ANKS1B: variants seen among roughly 807,000 people sequenced by gnomAD.
ANKS1B encodes ankyrin repeat and sterile alpha motif domain containing 1B.
Under a neutral mutation model 148.3 loss-of-function variants are expected in ANKS1B, and 36 were observed. The observed-to-expected ratio is 0.24, with a 90% confidence interval of 0.19 to 0.32. The LOEUF (loss-of-function observed/expected upper bound fraction) is 0.32. Ranked by LOEUF, ANKS1B falls within the 10% of genes least tolerant of loss-of-function variation. The probability of loss-of-function intolerance (pLI) is 1.00; values close to 1 mark genes in which losing one functional copy is unlikely to be tolerated. For synonymous variants in ANKS1B, 542 were observed against 560.8 expected (o/e 0.97, Z 0.47); for missense variants, 1,157 against 1,542.6 (o/e 0.75, Z 4.19).
At chr12:99,719,316 C>G (rs1020010673) in intron 8 of ANKS1B, among the ~76,000 whole-genome samples, 12 of 152,118 alleles carry the variant, frequency 7.9e-5, no homozygotes, top group Admixed American at 2.6e-4. Flanking sequence ...TGTTGAGTCT[C>G]CCACAATTAC....
At chr12:98,846,569 T>C (rs1222782186) in intron 17 of ANKS1B, among the ~76,000 whole-genome samples, 1 of 152,218 alleles carries the variant, frequency 6.6e-6, no homozygotes, top group Non-Finnish European at 1.5e-5. Context: ...TTTGTAAAGA[T>C]ATGGAGACAA....
At chr12:99,366,805 T>C (rs1042031147) in intron 12 of ANKS1B, among the ~76,000 whole-genome samples, 4 of 151,670 alleles carry the variant, frequency 2.6e-5, no homozygotes, top group East Asian at 1.9e-4. Context: ...TGACTCAAAA[T>C]ACGGAAGCAA....
intron 8 of ANKS1B, among the ~76,000 whole-genome samples, chr12:99,686,422 C>T (rs1015303328): frequency 3.9e-5 from 6 of 152,162 alleles, no homozygotes; most frequent in African/African-American, 1.4e-4. Context: ...CTCGACTTTG[C>T]TTCCATGTTG....
chr12:99,372,031 A>G (rs1593310717), intron 12 of ANKS1B, among the ~76,000 whole-genome samples: 4 of 152,310 alleles, frequency 2.6e-5, no homozygotes, highest in Admixed American at 2.6e-4. Flanking sequence ...GAAATATTCT[A>G]TATGATACCA....
intron 10 of ANKS1B, among the ~76,000 whole-genome samples, chr12:99,467,188 C>A (rs546606176): frequency 6.2e-4 from 95 of 152,218 alleles, no homozygotes; most frequent in African/African-American, 2.2e-3. Flanking sequence ...AAGACAAAAA[C>A]CAGGTGATTA....
At chr12:98,992,214 G>A (rs548420629) in intron 17 of ANKS1B, among the ~76,000 whole-genome samples, 7 of 152,196 alleles carry the variant, frequency 4.6e-5, no homozygotes, top group African/African-American at 1.2e-4. Flanking sequence ...TCTGTCCCAC[G>A]GCTTTTACAA....
intron 15 of ANKS1B, among the ~76,000 whole-genome samples, chr12:99,116,250 C>T (rs1200481085): frequency 6.6e-6 from 1 of 152,168 alleles, no homozygotes; most frequent in African/African-American, 2.4e-5. Flanking sequence ...CAATTCCTTC[C>T]TCATTGGTGC....
intron 2 of ANKS1B, among the ~76,000 whole-genome samples, chr12:99,816,431 C>CT (rs2069160489): frequency 6.6e-6 from 1 of 151,618 alleles, no homozygotes; most frequent in South Asian, 2.1e-4. Flanking sequence ...TGTGGGTTGT[C>CT]TGTTTACTCT....
At chr12:99,442,947 G>A (rs1158558149) in intron 11 of ANKS1B, among the ~76,000 whole-genome samples, 1 of 151,834 alleles carries the variant, frequency 6.6e-6, no homozygotes, top group African/African-American at 2.4e-5. Context: ...CACCAATTTC[G>A]TGTTCTGGGT....
chr12:99,425,853 TAG>T (rs2095242542), intron 11 of ANKS1B, among the ~76,000 whole-genome samples: 1 of 152,126 alleles, frequency 6.6e-6, no homozygotes, highest in Non-Finnish European at 1.5e-5. Context: ...TCTATAGCAT[TAG>T]TTACTTGTTT....
intron 22 of ANKS1B, among the ~76,000 whole-genome samples, chr12:98,792,597 C>T (rs914885432): frequency 9.9e-5 from 15 of 152,150 alleles, no homozygotes; most frequent in Non-Finnish European, 2.1e-4. Context: ...TCTCCCTATT[C>T]CCCTCCTCCT....
chr12:99,399,418 T>G (rs2094342836), intron 12 of ANKS1B, among the ~76,000 whole-genome samples: 2 of 152,112 alleles, frequency 1.3e-5, no homozygotes, highest in South Asian at 4.1e-4. Flanking sequence ...CATTAAATCA[T>G]CATCTTTAAT....
chr12:99,543,705 A>G (rs1389776888), intron 9 of ANKS1B, among the ~76,000 whole-genome samples: 1 of 151,072 alleles, frequency 6.6e-6, no homozygotes, highest in Non-Finnish European at 1.5e-5. Flanking sequence ...ATTCTACAAC[A>G]TAAATAAACT....
At chr12:99,723,390 G>C (rs1162914668) in intron 8 of ANKS1B, among the ~76,000 whole-genome samples, 1 of 152,164 alleles carries the variant, frequency 6.6e-6, no homozygotes, top group East Asian at 1.9e-4. Flanking sequence ...TGTGGCCAGA[G>C]TGCCTCTTCA....
At chr12:98,780,854 C>T (rs2153514397) in intron 24 of ANKS1B, among the ~76,000 whole-genome samples, 1 of 152,274 alleles carries the variant, frequency 6.6e-6, no homozygotes, top group South Asian at 2.1e-4. Flanking sequence ...TTAGAGAAAG[C>T]ATCATGACAA....
At chr12:99,060,653 T>TCACA (rs35515489) in intron 16 of ANKS1B, among the ~76,000 whole-genome samples, 8,105 of 125,976 alleles carry the variant, frequency 0.064, 249 homozygotes, top group African/African-American at 0.075. Flanking sequence ...TATATACACA[T>TCACA]CACACACACA....
Position 99,246,510 on chromosome 12 carries a change from A to G in ANKS1B, c.2111T>C (p.Met704Thr), listed in dbSNP as rs767609017. ...SGSRNGDQWVMNAGGFVERAC... is the reference protein window; with the variant it reads ...SGSRNGDQWVTNAGGFVERAC... Reference sequence around the variant, plus strand: ...TCTCTCCACAAATCCCCCTGCGTTCATAACCCACTGGTCCCCATTCCGAGA... The same window carrying G: ...TCTCTCCACAAATCCCCCTGCGTTCGTAACCCACTGGTCCCCATTCCGAGA... Residue 704 changes from methionine to threonine, a missense_variant, in exon 13 of 27, where the codon ATG becomes ACG. Physicochemically the swap from Met to Thr is moderately conservative, Grantham distance 81. Around this residue, in one of 6 missense-constraint regions of ANKS1B, gnomAD observed 661 missense variants for 642.1 expected, o/e 1.03. Coordinates refer to ENST00000683438, the MANE Select transcript of ANKS1B (RefSeq NM_001352186.2). 1 of 1,613,040 alleles carries G rather than the reference A, an allele frequency of 6.2e-7. No homozygotes were observed. Among genetic ancestry groups the G allele is most frequent in the South Asian group, 1.1e-5 (1 of 91,016 alleles).
rs1165272680 is a variant in ANKS1B at position 99,712,712 on chromosome 12, C to T, written c.1129-57502G>A. ...ATCAGATCAAAAAGTACAATGGTGG[C>T]ACAGGCATAAGATAATCAATATAGA... On this transcript the variant is annotated intron_variant, in intron 8 of 26. Coordinates refer to ENST00000683438, the MANE Select transcript of ANKS1B (RefSeq NM_001352186.2). 2.6e-5 allele frequency among the ~76,000 whole-genome samples: 4 copies of T among 152,070 alleles called. No individual in the cohort carries two copies. In the South Asian group the frequency reaches 6.2e-4, roughly 24 times the overall value.
At chr12:98,827,359 A>G (rs941093902) in intron 19 of ANKS1B, among the ~76,000 whole-genome samples, 10 of 152,178 alleles carry the variant, frequency 6.6e-5, no homozygotes, top group African/African-American at 2.4e-4. Context: ...AGTACTCCAC[A>G]TGAGGGGAAT....
Sources: gnomAD v4.1 joint callset for allele counts (sites outside exome capture counted in the v4.1 genomes callset) on GRCh38, gnomAD v4.1.1 for gene constraint, gnomAD v4.1.1 regional missense constraint, MANE v1.5 for transcripts, NCBI Gene and HGNC (gene_info 2026-07-23, HGNC 2026-07-21) for gene names.